Variants in USO1 observed in about 807,000 individuals in gnomAD.
USO1 encodes USO1 vesicle transport factor.
A neutral mutation model predicts 124.5 loss-of-function variants in USO1; 57 were observed. That is an observed-to-expected ratio of 0.46 (90% CI 0.37 to 0.57). USO1 has a LOEUF of 0.57. USO1 is among the 20% of genes least tolerant of loss of function. The pLI, the probability that USO1 is intolerant of heterozygous loss-of-function variation, is 0.00. For synonymous variants in USO1, 369 were observed against 362.8 expected (o/e 1.02, Z -0.19); for missense variants, 900 against 1,040.6 (o/e 0.86, Z 1.86).
chr4:75,769,805 A>G (rs1024372353), intron 4 of USO1, among the ~76,000 whole-genome samples: 1 of 151,618 alleles, frequency 6.6e-6, no homozygotes, highest in African/African-American at 2.4e-5. Context: ...ACATTTAAAC[A>G]TTAAAGACAA....
intron 4 of USO1, among the ~76,000 whole-genome samples, chr4:75,766,638 T>C (rs1036098622): frequency 6.6e-6 from 1 of 152,244 alleles, no homozygotes; most frequent in African/African-American, 2.4e-5. Context: ...ATGGTGATGA[T>C]GACAGTGCTT....
rs920412224 is a variant in USO1 at position 75,789,998 on chromosome 4, GTAAC to G, written c.997-147_997-144del. 4.6e-5 allele frequency: 37 copies of G among 796,440 alleles called. No homozygotes were observed. In the African/African-American group the frequency reaches 6.6e-4, roughly 14 times the overall value. 49.3% of individuals were successfully genotyped at this position (796,440 alleles called of 1,614,324 possible). Reference sequence around the variant, plus strand: ...AAGATTTTTTTTCATGTATACATATGTAACTAACCTGCACAATGTGCACATGTAC... The same window carrying G: ...AAGATTTTTTTTCATGTATACATATGTAACCTGCACAATGTGCACATGTAC... On this transcript the variant is annotated intron_variant, in intron 10 of 23. Transcript: ENST00000514213.
At chr4:75,763,053 A>G (rs1405442646) in intron 4 of USO1, among the ~76,000 whole-genome samples, 3 of 152,248 alleles carry the variant, frequency 2.0e-5, no homozygotes, top group African/African-American at 7.2e-5. Flanking sequence ...TTATAAAGCA[A>G]TTTCTTTTCT....
At chr4:75,751,205 TTTATTTTTATTTA>T (rs1399318516) in intron 1 of USO1, among the ~76,000 whole-genome samples, 1 of 150,788 alleles carries the variant, frequency 6.6e-6, no homozygotes, top group Non-Finnish European at 1.5e-5. Flanking sequence ...TTTATTTTAT[TTTATTTTTATTTA>T]TTTATTTATT....
chr4:75,788,293 G>A (rs1722425672), intron 10 of USO1, among the ~76,000 whole-genome samples: 1 of 149,996 alleles, frequency 6.7e-6, no homozygotes, highest in African/African-American at 2.5e-5. Context: ...TCAGCCTCCT[G>A]AGTAGCTGGG....
At chr4:75,733,993 G>T (rs1011426586) in intron 1 of USO1, among the ~76,000 whole-genome samples, 1 of 145,666 alleles carries the variant, frequency 6.9e-6, no homozygotes, top group Admixed American at 7.0e-5. Flanking sequence ...ACCCAGGCTG[G>T]AGTGAGTGCA....
In USO1 at chr4:75,775,794, TA is replaced by T. The variant is rs796927455; in HGVS notation, c.676+1000del. Among the ~76,000 whole-genome samples, 13 of 152,246 alleles carry T rather than the reference TA, an allele frequency of 8.5e-5. 1 individual carries two copies. The highest frequency in any genetic ancestry group is 2.6e-4 in the African/African-American group (11 of 41,552). On this transcript the variant is annotated intron_variant, in intron 8 of 23. Coordinates refer to ENST00000514213, the MANE Select transcript of USO1 (RefSeq NM_003715.4). ...AGAGTGGAAGAAACGAAAATCTCTATAATCTAAGCTAGATAGGGAAGGAAAT... is the reference window on the plus strand; with the variant it reads ...AGAGTGGAAGAAACGAAAATCTCTATATCTAAGCTAGATAGGGAAGGAAAT...
In USO1 at chr4:75,725,110, C is replaced by A. The variant is rs1720371970; in HGVS notation, c.66+225C>A. 29 of 582,802 alleles carry A rather than the reference C, an allele frequency of 5.0e-5. 2 individuals carry two copies. In the South Asian group the frequency reaches 5.7e-4, roughly 11 times the overall value. 36.1% of individuals were successfully genotyped at this position (582,802 alleles called of 1,614,324 possible). ...TTCGGCCGGACTGACGGCGGCCGCG[C>A]CCCGCAGCTCTGTAGGCCCTGAAGC... On this transcript the variant is annotated intron_variant, in intron 1 of 23. Transcript: ENST00000514213.
chr4:75,808,631 A>G (rs78841613), intron 20 of USO1, among the ~76,000 whole-genome samples: 2,102 of 150,806 alleles, frequency 0.014, 57 homozygotes, highest in African/African-American at 0.048. Context: ...AAATTCCCCA[A>G]TTATATTGCT....
At chr4:75,750,546 C>T (rs1010666779) in intron 1 of USO1, among the ~76,000 whole-genome samples, 1 of 151,868 alleles carries the variant, frequency 6.6e-6, no homozygotes, top group African/African-American at 2.4e-5. Flanking sequence ...TGTAGTGGTG[C>T]GATCTTAGCT....
At chr4:75,779,276 CT>C (rs563359411) in intron 8 of USO1, among the ~76,000 whole-genome samples, 168 of 152,232 alleles carry the variant, frequency 1.1e-3, no homozygotes, top group African/African-American at 3.9e-3. Context: ...ATTAATAACC[CT>C]ACAGTGGCCT....
intron 23 of USO1, 92 bp from the exon 24 acceptor site, chr4:75,813,113 GA>G (rs994169693): frequency 0.035 from 33,067 of 941,548 alleles, no homozygotes; most frequent in South Asian, 0.05. Flanking sequence ...CTCCATCTCA[GA>G]AAAAAAAAAA....
chr4:75,751,820 G>C (rs944991269), intron 1 of USO1, among the ~76,000 whole-genome samples: 1 of 151,520 alleles, frequency 6.6e-6, no homozygotes, highest in Admixed American at 6.6e-5. Flanking sequence ...GGACAAGAGC[G>C]AGACTTCGTC....
In USO1 at chr4:75,724,737, G is replaced by C. The variant is rs190792453; in HGVS notation, c.-83G>C. 1.3e-5 allele frequency: 19 copies of C among 1,451,972 alleles called. No individual in the cohort carries two copies. The highest frequency in any genetic ancestry group is 1.1e-4 in the Admixed American group (6 of 54,110). The allele number at this position is 1,451,972 out of a possible 1,614,324, so 89.9% of individuals were successfully genotyped here. A position where few individuals can be genotyped will look rare whatever the true frequency, so the allele number is the denominator to read the frequency against. On this transcript the variant is annotated 5_prime_UTR_variant, in exon 1 of 24. Coordinates refer to ENST00000514213, the MANE Select transcript of USO1 (RefSeq NM_003715.4). ...TAGGAGTGTGTAGAGTGCGGGATTG[G>C]GGCCCAGGCCCTGCGGAGGGCGGGG... is the stretch of plus-strand genomic sequence containing the variant.
At position 75,790,073 on chromosome 4, in the gene USO1, T is replaced by C. The variant is rs577678128; in HGVS notation, c.997-77T>C. 7 of 1,385,082 alleles carry C rather than the reference T, an allele frequency of 5.1e-6. No individual in the cohort carries two copies. The East Asian group carries it at 1.8e-4, about 36-fold the overall frequency. The allele number at this position is 1,385,082 out of a possible 1,614,324, so 85.8% of individuals were successfully genotyped here. The stretch of plus-strand genomic sequence containing the variant: ...AAAAAAAAAAACAAAAAAAAAAGAT[T>C]TTTTTTCTATTGAAAACATATTTTC... On this transcript the variant is annotated intron_variant, in intron 10 of 23. Coordinates refer to ENST00000514213, the MANE Select transcript of USO1 (RefSeq NM_003715.4).
chr4:75,789,897 G>A (rs1360154464), intron 10 of USO1, among the ~76,000 whole-genome samples: 1 of 151,792 alleles, frequency 6.6e-6, no homozygotes, highest in Non-Finnish European at 1.5e-5. Context: ...ATTTTCCCTT[G>A]AGGAAGTGTT....
At chr4:75,736,954 A>G (rs542299738) in intron 1 of USO1, among the ~76,000 whole-genome samples, 27 of 152,316 alleles carry the variant, frequency 1.8e-4, no homozygotes, top group Non-Finnish European at 2.9e-4. Flanking sequence ...TCACAAATTC[A>G]AAGTCCAGTT....
At chr4:75,807,555 A>G (rs1054403130) in intron 20 of USO1, among the ~76,000 whole-genome samples, 1 of 152,178 alleles carries the variant, frequency 6.6e-6, no homozygotes, top group African/African-American at 2.4e-5. Flanking sequence ...ACCTCAGAGT[A>G]GATTCTAAAT....
At position 75,805,237 on chromosome 4, in the gene USO1, A is replaced by C; in HGVS notation, c.2223A>C (p.Glu741Asp). The C allele has an allele frequency of 6.2e-7, 1 of 1,612,930 alleles. No individual in the cohort carries two copies. Among genetic ancestry groups the C allele is most frequent in the Non-Finnish European group, 8.5e-7 (1 of 1,179,362 alleles). ...GTAGATTGCGAGAAGAGATAGAAGA[A>C]TTAAAACGTAATCAGGAACTTTTAC... ...EIGRLREEIE[E>D]LKRNQELLQS... The change falls in exon 19 of 24, where the codon GAA becomes GAC. Residue 741 changes from glutamate (E) to aspartate (D), a missense_variant. Around this residue, in one of 2 missense-constraint regions of USO1, gnomAD observed 362 missense variants for 359.0 expected, o/e 1.01. Transcript: ENST00000514213.
Sources: allele counts gnomAD v4.1 joint callset (sites outside exome capture counted in the v4.1 genomes callset), GRCh38; gene constraint gnomAD v4.1.1; regional missense constraint gnomAD v4.1.1; transcripts MANE v1.5; gene names NCBI Gene and HGNC (gene_info 2026-07-23, HGNC 2026-07-21).